The following SSH1 variants were observed in gnomAD, a reference collection of about 807,000 sequenced individuals.
SSH1 encodes slingshot protein phosphatase 1.
Under a neutral mutation model 79.7 loss-of-function variants are expected in SSH1, and 43 were observed. That is an observed-to-expected ratio of 0.54 (90% confidence interval 0.42 to 0.70). SSH1 has a LOEUF of 0.70. Ranked by LOEUF, SSH1 falls within the 30% of genes least tolerant of loss-of-function variation. The pLI, the probability that SSH1 is intolerant of heterozygous loss-of-function variation, is 0.00. For synonymous variants in SSH1, 599 were observed against 538.3 expected, an observed-to-expected ratio of 1.11 and a Z score of -1.56; for missense variants, 1,206 against 1,358.8, an observed-to-expected ratio of 0.89 and a Z score of 1.77.
At chr12:108,791,895 G>A (rs2036517300) in intron 14 of SSH1, 1 of 1,259,130 alleles carries the variant, frequency 7.9e-7, no homozygotes, top group African/African-American at 1.5e-5. Context: ...AGATGAAAAA[G>A]AATAGTCATA....
rs1233011238 is a variant in SSH1 at position 108,857,015 on chromosome 12, A to T, written c.69+413T>A. Among the ~76,000 whole-genome samples the T allele has an allele frequency of 2.0e-5, 3 of 152,204 alleles. No individual in the cohort carries two copies. Among genetic ancestry groups the T allele is most frequent in the African/African-American group, 7.2e-5 (3 of 41,464 alleles). The stretch of plus-strand genomic sequence containing the variant: ...AGTCCCCACACAATCACGAGGTCAC[A>T]TCTGCACACACAGTCTCTGCACAGT... On this transcript the variant is annotated intron_variant, in intron 1 of 14. Transcript: ENST00000326495. This position sits in a 1 kb window ranked among gnomAD's most constrained non-coding sequence, Gnocchi z 4.7.
chr12:108,852,862 G>C, intron 1 of SSH1, 184 bp from the exon 2 acceptor site: 1 of 985,378 alleles, frequency 1.0e-6, no homozygotes, highest in South Asian at 4.7e-5. Context: ...CATTTCCGTG[G>C]GGGAATTTTC....
chr12:108,810,950 G>A (rs1459799837), intron 6 of SSH1, among the ~76,000 whole-genome samples: 2 of 152,216 alleles, frequency 1.3e-5, no homozygotes, highest in East Asian at 1.9e-4. Flanking sequence ...GAGGGCATGC[G>A]GTGAGAGTTC....
chr12:108,795,115 C>T (rs1380563206), intron 13 of SSH1, among the ~76,000 whole-genome samples: 1 of 152,180 alleles, frequency 6.6e-6, no homozygotes, highest in Non-Finnish European at 1.5e-5. Context: ...GAGAAAGGCA[C>T]AGACGTGTCT....
chr12:108,804,702 T>C (rs569569844), intron 10 of SSH1, among the ~76,000 whole-genome samples: 1 of 152,352 alleles, frequency 6.6e-6, no homozygotes, highest in South Asian at 2.1e-4. Context: ...TGGGGTTTTT[T>C]AGCCCACAAA....
chr12:108,810,992 G>A lies in SSH1; in HGVS notation c.470+268C>T, dbSNP rs569769039. On this transcript the variant is annotated intron_variant, in intron 6 of 14. Coordinates refer to ENST00000326495, the MANE Select transcript of SSH1 (RefSeq NM_018984.4). ...CCCATCGAGGTGGCGGATGGGTATC[G>A]GTTTACCGCTGTCTTGAACTTCACA... 3.9e-5 allele frequency among the ~76,000 whole-genome samples: 6 copies of A among 152,318 alleles called. No homozygotes were observed. In the East Asian group the frequency reaches 7.7e-4, roughly 20 times the overall value.
chr12:108,814,494 G>A (rs2037791282), intron 5 of SSH1, among the ~76,000 whole-genome samples: 1 of 152,090 alleles, frequency 6.6e-6, no homozygotes, highest in African/African-American at 2.4e-5. Flanking sequence ...ACAACAGCCT[G>A]GTGCCCGGGC....
intron 2 of SSH1, among the ~76,000 whole-genome samples, chr12:108,833,536 T>G (rs897919259): frequency 1.6e-4 from 25 of 152,120 alleles, no homozygotes; most frequent in African/African-American, 5.6e-4. Flanking sequence ...AGTCCTAACT[T>G]TGTCAGAGGC....
intron 5 of SSH1, among the ~76,000 whole-genome samples, chr12:108,815,952 A>T (rs1461084105): frequency 6.6e-6 from 1 of 152,230 alleles, no homozygotes; most frequent in Non-Finnish European, 1.5e-5. Flanking sequence ...TGGGAACAAG[A>T]CAAGACCATA....
chr12:108,839,294 T>C (rs1349386007), intron 2 of SSH1, among the ~76,000 whole-genome samples: 1 of 152,180 alleles, frequency 6.6e-6, no homozygotes, highest in African/African-American at 2.4e-5. Flanking sequence ...TTAGGTTCCT[T>C]AGGGAGCCTT....
At chr12:108,808,872 C>T (rs1381696291) in intron 7 of SSH1, among the ~76,000 whole-genome samples, 11 of 131,282 alleles carry the variant, frequency 8.4e-5, no homozygotes, top group African/African-American at 2.9e-4. Context: ...CTCACTCCAT[C>T]GCCCGGGCTG....
chr12:108,812,167 A>G lies in SSH1; in HGVS notation c.402-839T>C, dbSNP rs557993137. Among the ~76,000 whole-genome samples the G allele has an allele frequency of 1.5e-4, 23 of 152,274 alleles. No individual in the cohort carries two copies. The South Asian group carries it at 2.3e-3, about 15-fold the overall frequency. ...AGGTTGTTCCAAGCCCTTCCGGCCA[A>G]TGACACTCAGGCTTTTGGGTTGGGC... On this transcript the variant is annotated intron_variant, in intron 5 of 14. Transcript: ENST00000326495.
intron 2 of SSH1, among the ~76,000 whole-genome samples, chr12:108,845,676 A>T (rs1205802941): frequency 2.0e-5 from 3 of 152,220 alleles, no homozygotes; most frequent in African/African-American, 4.8e-5. Context: ...AACGTGAGCG[A>T]AACTCCATTT....
At position 108,792,295 on chromosome 12, in the gene SSH1, G is replaced by C. The variant is rs565034599; in HGVS notation, c.1884C>G (p.Asn628Lys). The C allele has an allele frequency of 6.2e-7, 1 of 1,614,198 alleles. No homozygotes were observed. Among genetic ancestry groups the C allele is most frequent in the South Asian group, 1.1e-5 (1 of 91,086 alleles). Residue 628 changes from asparagine to lysine, a missense_variant, in exon 14 of 15, where the codon AAC becomes AAG. Physicochemically the swap from Asn to Lys is moderately conservative, Grantham distance 94. Transcript: ENST00000326495. ...GCCGGGCTCTGCCTACCTCCATGCCGTTGGGACAGCTCCTCTTGCTGTTGT... is the reference window on the plus strand; with the variant it reads ...GCCGGGCTCTGCCTACCTCCATGCCCTTGGGACAGCTCCTCTTGCTGTTGT... Reference protein sequence around the residue: ...LNNNSKRSCPNGMEDDAIFGI... With the variant: ...LNNNSKRSCPKGMEDDAIFGI...
intron 2 of SSH1, chr12:108,827,154 C>T: frequency 9.3e-7 from 1 of 1,069,588 alleles, no homozygotes; most frequent in Admixed American, 3.0e-5. Flanking sequence ...GACAAAAAAC[C>T]TCAATCAATG....
intron 7 of SSH1, among the ~76,000 whole-genome samples, chr12:108,808,201 G>T (rs905719480): frequency 6.6e-6 from 1 of 152,212 alleles, no homozygotes; most frequent in African/African-American, 2.4e-5. Context: ...GCCTCCCAAA[G>T]TACTGGGATT....
At position 108,857,028 on chromosome 12, in the gene SSH1, GTC is replaced by G. The variant is rs1378220153; in HGVS notation, c.69+398_69+399del. ...TCACGAGGTCACATCTGCACACACA[GTC>G]TCTGCACAGTCACCCTTAGGGGTCA... On this transcript the variant is annotated intron_variant, in intron 1 of 14. Coordinates refer to ENST00000326495, the MANE Select transcript of SSH1 (RefSeq NM_018984.4). The surrounding 1 kb of genome is among the most constrained non-coding windows in gnomAD (Gnocchi z 4.7). 6.6e-6 allele frequency among the ~76,000 whole-genome samples: 1 copy of G among 152,220 alleles called. No individual in the cohort carries two copies. Among genetic ancestry groups the G allele is most frequent in the Non-Finnish European group, 1.5e-5 (1 of 68,042 alleles).
intron 2 of SSH1, among the ~76,000 whole-genome samples, chr12:108,829,280 T>A (rs1219420440): frequency 1.3e-5 from 2 of 152,114 alleles, no homozygotes; most frequent in African/African-American, 4.8e-5. Context: ...TGAGCCAAGA[T>A]CGCACCACTG....
At chr12:108,806,736 T>C (rs947125019) in intron 8 of SSH1, among the ~76,000 whole-genome samples, 1 of 152,180 alleles carries the variant, frequency 6.6e-6, no homozygotes, top group Non-Finnish European at 1.5e-5. Context: ...CGTGTGGGCA[T>C]GAGGACCTCA....
Sources: gnomAD v4.1 joint callset for allele counts (sites outside exome capture counted in the v4.1 genomes callset) on GRCh38, gnomAD v4.1.1 for gene constraint, Gnocchi (gnomAD v3.1) non-coding constraint, MANE v1.5 for transcripts, NCBI Gene and HGNC (gene_info 2026-07-23, HGNC 2026-07-21) for gene names.